Variants in ARHGAP6 observed in about 807,000 individuals in gnomAD.
ARHGAP6 encodes Rho GTPase activating protein 6.
In ARHGAP6, 16 loss-of-function variants were observed where a neutral mutation model predicts 55.7. The ratio of observed to expected loss-of-function variants is 0.29; its 90% confidence interval spans 0.19 to 0.44. The LOEUF (loss-of-function observed/expected upper bound fraction) is 0.44, where lower values mean the gene tolerates loss of function less well. ARHGAP6 is among the 20% of genes least tolerant of loss of function. ARHGAP6 has a pLI of 1.00. For missense variants in ARHGAP6, 698 were observed against 808.9 expected (o/e 0.86, Z 1.66); for synonymous variants, 382 against 360.9 (o/e 1.06, Z -0.66).
At chrX:11,243,029 G>A (rs1041743298) in intron 2 of ARHGAP6, among the ~76,000 whole-genome samples, 1 of 111,650 alleles carries the variant, frequency 9.0e-6, no homozygotes, top group Non-Finnish European at 1.9e-5. Context: ...ACATAAATGT[G>A]CTATGATTGA....
chrX:11,431,645 C>T (rs1403749172), intron 1 of ARHGAP6, among the ~76,000 whole-genome samples: 1 of 111,950 alleles, frequency 8.9e-6, no homozygotes, highest in Non-Finnish European at 1.9e-5. Context: ...AAACCCAGTG[C>T]CCACACTATG....
chrX:11,558,990 C>A (rs749564149), intron 1 of ARHGAP6, among the ~76,000 whole-genome samples: 1 of 105,653 alleles, frequency 9.5e-6, no homozygotes, highest in African/African-American at 3.5e-5. Context: ...ACTTTTGTTC[C>A]GCTTCTGCTT....
intron 5 of ARHGAP6, among the ~76,000 whole-genome samples, chrX:11,185,530 TA>T (rs36099560): frequency 1.8e-5 from 2 of 111,992 alleles, no homozygotes; most frequent in East Asian, 2.8e-4. Context: ...TTTTTACAGT[TA>T]AAAAAAGTAA....
chrX:11,344,627 G>A (rs986981406), intron 1 of ARHGAP6, among the ~76,000 whole-genome samples: 3 of 90,191 alleles, frequency 3.3e-5, no homozygotes, highest in South Asian at 6.6e-4. Context: ...GCAGTGAGCC[G>A]AGACTGTACC....
intron 1 of ARHGAP6, among the ~76,000 whole-genome samples, chrX:11,506,946 G>A (rs2050740564): frequency 8.9e-6 from 1 of 111,736 alleles, no homozygotes; most frequent in African/African-American, 3.3e-5. Context: ...GGCATGAGGT[G>A]GTATCTCATT....
chrX:11,664,352 G>A lies in ARHGAP6; in HGVS notation c.477C>T (p.Ser159=), dbSNP rs372579291. 1 of 1,212,290 alleles carries A rather than the reference G, an allele frequency of 8.2e-7. No individual in the cohort carries two copies. Among genetic ancestry groups the A allele is most frequent in the Non-Finnish European group, 1.1e-6 (1 of 895,573 alleles). ...CGAAGATGCCATTGGGGCCTCCCCC[G>A]GATGAACAGAGGATGCTGGAAGCGC... ...SRSASSILCS[S]GGGPNGIFAS... Residue 159 remains serine, a synonymous_variant, in exon 1 of 13, where the codon TCC becomes TCT. Coordinates refer to ENST00000337414, the MANE Select transcript of ARHGAP6 (RefSeq NM_013427.3).
chrX:11,586,531 G>A (rs573377355), intron 1 of ARHGAP6, among the ~76,000 whole-genome samples: 2 of 111,809 alleles, frequency 1.8e-5, no homozygotes, highest in South Asian at 7.5e-4. Context: ...ATTGGTCTGT[G>A]TGTCTGTTTT....
At chrX:11,389,434 A>T (rs918891321) in intron 1 of ARHGAP6, among the ~76,000 whole-genome samples, 1 of 112,529 alleles carries the variant, frequency 8.9e-6, no homozygotes, top group African/African-American at 3.2e-5. Flanking sequence ...GGTTTACCAC[A>T]ATGAGAGATC....
At chrX:11,523,730 G>T (rs73497020) in intron 1 of ARHGAP6, among the ~76,000 whole-genome samples, 11,800 of 110,606 alleles carry the variant, frequency 0.11, 823 homozygotes, top group African/African-American at 0.24. Context: ...TATTGAAAAC[G>T]CTAAGTAAGA....
At position 11,290,098 on chromosome X, in the gene ARHGAP6, C is replaced by T. The variant is rs909289469; in HGVS notation, c.589-35391G>A. On this transcript the variant is annotated intron_variant, in intron 1 of 12. Coordinates refer to ENST00000337414, the MANE Select transcript of ARHGAP6 (RefSeq NM_013427.3). ...AGACTGTTAGGATAATAGATTCTAG[C>T]GCTTTTACAGCATCTCCCTTTTCAG... 4.5e-5 allele frequency among the ~76,000 whole-genome samples: 5 copies of T among 112,038 alleles called. No individual in the cohort carries two copies. The East Asian group carries it at 8.4e-4, about 19-fold the overall frequency.
At chrX:11,372,350 G>C (rs1188388713) in intron 1 of ARHGAP6, among the ~76,000 whole-genome samples, 4 of 111,991 alleles carry the variant, frequency 3.6e-5, no homozygotes, top group Admixed American at 2.8e-4. Flanking sequence ...GATACTTCTT[G>C]ACTAATGAGT....
At chrX:11,436,361 T>A (rs1219980158) in intron 1 of ARHGAP6, among the ~76,000 whole-genome samples, 3 of 112,375 alleles carry the variant, frequency 2.7e-5, no homozygotes, top group Non-Finnish European at 5.6e-5. Flanking sequence ...TCTTTGAAAG[T>A]TGAAGGAGGA....
intron 1 of ARHGAP6, among the ~76,000 whole-genome samples, chrX:11,585,665 G>A (rs1266424909): frequency 8.9e-6 from 1 of 111,901 alleles, no homozygotes; most frequent in African/African-American, 3.3e-5. Flanking sequence ...TATAGATGTT[G>A]GATATTAGAC....
At chrX:11,546,145 C>CAT (rs770511041) in intron 1 of ARHGAP6, among the ~76,000 whole-genome samples, 2,305 of 107,451 alleles carry the variant, frequency 0.021, 35 homozygotes, top group Middle Eastern at 0.059. Context: ...TAAAGTAAAA[C>CAT]ATATATATAT....
chrX:11,377,784 A>C (rs2049218721), intron 1 of ARHGAP6, among the ~76,000 whole-genome samples: 1 of 111,606 alleles, frequency 9.0e-6, no homozygotes, highest in Non-Finnish European at 1.9e-5. Flanking sequence ...CCAGGACAGA[A>C]AAAGTAAGAA....
intron 1 of ARHGAP6, among the ~76,000 whole-genome samples, chrX:11,478,734 A>T (rs1017397241): frequency 8.9e-6 from 1 of 112,061 alleles, no homozygotes; most frequent in African/African-American, 3.2e-5. Context: ...GGGGGTTGAG[A>T]GTTCAGCAGA....
chrX:11,417,435 G>C (rs752990871), intron 1 of ARHGAP6, among the ~76,000 whole-genome samples: 8 of 109,234 alleles, frequency 7.3e-5, no homozygotes, highest in Non-Finnish European at 1.5e-4. Flanking sequence ...ATGCCAGTCT[G>C]TACAGGTAAT....
intron 1 of ARHGAP6, among the ~76,000 whole-genome samples, chrX:11,571,792 G>A (rs1378199000): frequency 3.7e-5 from 4 of 109,350 alleles, no homozygotes; most frequent in Non-Finnish European, 7.6e-5. Context: ...GGAAGCTTAG[G>A]TGAGCGGATC....
At chrX:11,162,707 T>A (rs55745028) in intron 9 of ARHGAP6, among the ~76,000 whole-genome samples, 19,932 of 111,207 alleles carry the variant, frequency 0.18, 1,365 homozygotes, top group Middle Eastern at 0.27. Flanking sequence ...TCTCTCTACT[T>A]ATCAGTGGTA....
Sources: allele counts gnomAD v4.1 joint callset (sites outside exome capture counted in the v4.1 genomes callset), GRCh38; gene constraint gnomAD v4.1.1; transcripts MANE v1.5; gene names NCBI Gene and HGNC (gene_info 2026-07-23, HGNC 2026-07-21).